ARHGEF37: variants seen among roughly 807,000 people sequenced by gnomAD.
The protein encoded by ARHGEF37 is Rho guanine nucleotide exchange factor (GEF) 37.
In ARHGEF37, 55 loss-of-function variants were observed where a neutral mutation model predicts 71.1. The observed-to-expected ratio is 0.77, with a 90% confidence interval of 0.62 to 0.97. The LOEUF is 0.97. Ranked by LOEUF, ARHGEF37 falls within the 50% of genes least tolerant of loss-of-function variation. The probability of loss-of-function intolerance (pLI) is 0.00; values close to 1 mark genes in which losing one functional copy is unlikely to be tolerated. For synonymous variants in ARHGEF37, 327 were observed against 350.6 expected (o/e 0.93, Z 0.75); for missense variants, 765 against 836.8 (o/e 0.91, Z 1.06).
intron 1 of ARHGEF37, among the ~76,000 whole-genome samples, chr5:149,572,210 T>A (rs1450304498): frequency 1.3e-5 from 2 of 152,208 alleles, no homozygotes; most frequent in Non-Finnish European, 2.9e-5. Context: ...AAAGAAAGTC[T>A]TTTCAACCAG....
In ARHGEF37 at chr5:149,591,742, A is replaced by C. The variant is rs7705454; in HGVS notation, c.-11-6017A>C. Among the ~76,000 whole-genome samples the C allele has an allele frequency of 2.6e-3, 400 of 152,142 alleles. 3 individuals carry two copies. Among genetic ancestry groups the C allele is most frequent in the African/African-American group, 9.3e-3 (388 of 41,500 alleles). On this transcript the variant is annotated intron_variant, in intron 1 of 12. Coordinates refer to ENST00000333677, the MANE Select transcript of ARHGEF37 (RefSeq NM_001001669.3). ...TACAACTATTCTATTTTTCACTTTC[A>C]ATACTGTATTCAATTAATTACTCTA...
intron 1 of ARHGEF37, among the ~76,000 whole-genome samples, chr5:149,555,526 G>T (rs1762743004): frequency 6.6e-6 from 1 of 151,330 alleles, no homozygotes; most frequent in South Asian, 2.1e-4. Flanking sequence ...TGTTGCCCAG[G>T]CTGGTCTTGA....
chr5:149,577,296 C>T (rs1391170033), upstream of ARHGEF37, among the ~76,000 whole-genome samples: 2 of 152,156 alleles, frequency 1.3e-5, no homozygotes, highest in Non-Finnish European at 2.9e-5. Context: ...TTCATTATTA[C>T]TATGGAAAGA....
chr5:149,583,201 A>G (rs1261165580), intron 1 of ARHGEF37, among the ~76,000 whole-genome samples: 1 of 152,208 alleles, frequency 6.6e-6, no homozygotes, highest in Non-Finnish European at 1.5e-5. Context: ...CAATGGCACA[A>G]TCTTGGTTCA....
intron 1 of ARHGEF37, among the ~76,000 whole-genome samples, chr5:149,571,905 CAAAAAAAAAAA>C (rs150393350): frequency 1.3e-5 from 1 of 77,622 alleles, no homozygotes; most frequent in Non-Finnish European, 2.5e-5. Flanking sequence ...GACCCTGTCT[CAAAAAAAAAAA>C]AAAAAAAAAA....
chr5:149,595,867 A>G (rs1763530333), intron 1 of ARHGEF37, among the ~76,000 whole-genome samples: 1 of 152,004 alleles, frequency 6.6e-6, no homozygotes, highest in Non-Finnish European at 1.5e-5. Context: ...AATTTATGTT[A>G]TGAAGGAGAC....
chr5:149,583,162 G>T (rs968700002), intron 1 of ARHGEF37, among the ~76,000 whole-genome samples: 2 of 152,108 alleles, frequency 1.3e-5, no homozygotes, highest in East Asian at 3.8e-4. Context: ...TGTTTTAGAC[G>T]AAGTCTCGCT....
At chr5:149,606,165 T>G (rs1317037695) in intron 3 of ARHGEF37, among the ~76,000 whole-genome samples, 1 of 152,184 alleles carries the variant, frequency 6.6e-6, no homozygotes, top group African/African-American at 2.4e-5. Context: ...ACACCCATGT[T>G]GAGGAGACTG....
At position 149,621,856 on chromosome 5, in the gene ARHGEF37, A is replaced by G; in HGVS notation, c.1129A>G (p.Lys377Glu). The G allele has an allele frequency of 6.2e-7, 1 of 1,614,204 alleles. No individual in the cohort carries two copies. The highest frequency in any genetic ancestry group is 8.5e-7 in the Non-Finnish European group (1 of 1,180,040). The change falls in exon 9 of 13, where the codon AAG becomes GAG. Residue 377 changes from lysine (K) to glutamate (E), a missense_variant. Physicochemically the swap from Lys to Glu is moderately conservative, Grantham distance 56 (BLOSUM62 1). Around this residue, in one of 5 missense-constraint regions of ARHGEF37, gnomAD observed 390 missense variants for 407.4 expected, o/e 0.96. Coordinates refer to ENST00000333677, the MANE Select transcript of ARHGEF37 (RefSeq NM_001001669.3). The part of the protein sequence containing the change: ...KLLDFERVEE[K>E]LLEVGSVTYQ... Reference sequence around the variant, plus strand: ...ACTGGACTTTGAGCGGGTGGAAGAGAAGCTGCTGGAGGTGGGCAGTGTGAC... The same window carrying G: ...ACTGGACTTTGAGCGGGTGGAAGAGGAGCTGCTGGAGGTGGGCAGTGTGAC...
rs1752506189 is a variant in ARHGEF37 at position 149,620,416 on chromosome 5, G to A, written c.957G>A (p.Gln319=). ...ACATCCCCGAGGGGCCTGCAGTGCAGTATTGCAATTTGGCAAGAGACCTTC... is the reference window on the plus strand; with the variant it reads ...ACATCCCCGAGGGGCCTGCAGTGCAATATTGCAATTTGGCAAGAGACCTTC... ...NLDIPEGPAV[Q]YCNLARDLHL... Residue 319 remains glutamine, a synonymous_variant, in exon 8 of 13, where the codon CAG becomes CAA. Transcript: ENST00000333677. 1 of 1,612,808 alleles carries A rather than the reference G, an allele frequency of 6.2e-7. No homozygotes were observed. The highest frequency in any genetic ancestry group is 8.5e-7 in the Non-Finnish European group (1 of 1,179,476).
At chr5:149,625,522 A>C (rs754611837) in intron 10 of ARHGEF37, among the ~76,000 whole-genome samples, 1 of 152,228 alleles carries the variant, frequency 6.6e-6, no homozygotes, top group South Asian at 2.1e-4. Flanking sequence ...CACCTGGCCC[A>C]AGTGCCGCGA....
In ARHGEF37 at chr5:149,588,198, T is replaced by TTTTGTTTG. The variant is rs3073427; in HGVS notation, c.-12+6599_-12+6606dup. On this transcript the variant is annotated intron_variant, in intron 1 of 12. Coordinates refer to ENST00000333677, the MANE Select transcript of ARHGEF37 (RefSeq NM_001001669.3). ...AGGCGTGAGCCACGGTGCCCGGCCT[T>TTTTGTTTG]TTTGTTTGTTTGTTTGTTTGTTTGT... Among the ~76,000 whole-genome samples the TTTTGTTTG allele has an allele frequency of 2.1e-3, 290 of 140,376 alleles. 1 individual carries two copies. Among genetic ancestry groups the TTTTGTTTG allele is most frequent in the East Asian group, 8.9e-3 (41 of 4,620 alleles). The allele number at this position is 140,376 out of a possible 152,430, so 92.1% of individuals were successfully genotyped here. A position where few individuals can be genotyped will look rare whatever the true frequency, so the allele number is the denominator to read the frequency against.
chr5:149,598,058 A>C, intron 2 of ARHGEF37, 103 bp downstream of exon 2: 8 of 1,368,044 alleles, frequency 5.8e-6, no homozygotes, highest in Non-Finnish European at 6.9e-6. Flanking sequence ...GACAGAAAGG[A>C]AGCGTGGTAG....
intron 10 of ARHGEF37, 99 bp from the exon 11 acceptor site, chr5:149,626,977 G>GC: frequency 7.6e-7 from 1 of 1,313,650 alleles, no homozygotes; most frequent in Non-Finnish European, 1.1e-6. Flanking sequence ...TTAGGATCAG[G>GC]CCCAGTACTC....
In ARHGEF37 at chr5:149,634,564, G is replaced by T. The variant is rs1432951413; in HGVS notation, c.*2373G>T. ...CATAGACCAGGGGATAAGATTAAAA[G>T]TCACTGAAGAGTGGGAAAATGCATG... On this transcript the variant is annotated 3_prime_UTR_variant, in exon 13 of 13. Transcript: ENST00000333677. 1 of 152,598 alleles carries T rather than the reference G, an allele frequency of 6.6e-6. No individual in the cohort carries two copies. The highest frequency in any genetic ancestry group is 1.5e-5 in the Non-Finnish European group (1 of 68,028). The allele number at this position is 152,598 out of a possible 1,614,324, so 9.5% of individuals were successfully genotyped here.
At chr5:149,558,762 ATATT>A (rs1384885009) in intron 1 of ARHGEF37, among the ~76,000 whole-genome samples, 1 of 151,524 alleles carries the variant, frequency 6.6e-6, no homozygotes, top group East Asian at 1.9e-4. Context: ...TATGTATAAA[ATATT>A]TACTGTTCCT....
chr5:149,591,471 ACTCCT>A (rs1297914115), intron 1 of ARHGEF37, among the ~76,000 whole-genome samples: 2 of 151,840 alleles, frequency 1.3e-5, no homozygotes, highest in Non-Finnish European at 2.9e-5. Flanking sequence ...GCAGCCTTGA[ACTCCT>A]GGACTCAAGT....
At chr5:149,594,605 T>TCC (rs1186797891) in intron 1 of ARHGEF37, among the ~76,000 whole-genome samples, 19 of 152,314 alleles carry the variant, frequency 1.2e-4, no homozygotes, top group Admixed American at 5.2e-4. Context: ...ATAGTATTAA[T>TCC]CATGGGCATG....
At chr5:149,568,224 G>A (rs1369102612) in intron 1 of ARHGEF37, among the ~76,000 whole-genome samples, 1 of 151,768 alleles carries the variant, frequency 6.6e-6, no homozygotes, top group Non-Finnish European at 1.5e-5. Flanking sequence ...ACAGGGTTTC[G>A]CCATATTGCC....
Sources: allele counts gnomAD v4.1 joint callset (sites outside exome capture counted in the v4.1 genomes callset), GRCh38; gene constraint gnomAD v4.1.1; regional missense constraint gnomAD v4.1.1; transcripts MANE v1.5; gene names NCBI Gene and HGNC (gene_info 2026-07-23, HGNC 2026-07-21).